CDADC1: variants seen among roughly 807,000 people sequenced by gnomAD.
The protein encoded by CDADC1 is cytidine and dCMP deaminase domain containing 1.
In CDADC1, 39 loss-of-function variants were observed where a neutral mutation model predicts 54.9. That is an observed-to-expected ratio of 0.71 (90% CI 0.55 to 0.93). CDADC1 has a LOEUF of 0.93. CDADC1 is among the 40% of genes least tolerant of loss of function. The pLI is 0.00. For synonymous variants in CDADC1, 186 were observed against 204.0 expected, an observed-to-expected ratio of 0.91 and a Z score of 0.75; for missense variants, 518 against 618.8, an observed-to-expected ratio of 0.84 and a Z score of 1.73.
chr13:49,281,714 CCAAA>C (rs1953340915), intron 8 of CDADC1, among the ~76,000 whole-genome samples: 2 of 152,114 alleles, frequency 1.3e-5, no homozygotes, highest in Admixed American at 1.3e-4. Context: ...ACCCCCACCC[CCAAA>C]CAAAGGGAGG....
At chr13:49,277,530 T>A (rs1206651736) in intron 6 of CDADC1, among the ~76,000 whole-genome samples, 1 of 152,184 alleles carries the variant, frequency 6.6e-6, no homozygotes, top group Non-Finnish European at 1.5e-5. Context: ...GTTTGCAGGC[T>A]TTTGTTGGCT....
At chr13:49,265,915 T>G in intron 4 of CDADC1, 1 of 1,303,134 alleles carries the variant, frequency 7.7e-7, no homozygotes, top group South Asian at 1.2e-5. Context: ...AGATGAAAGG[T>G]TTACCATCAC....
chr13:49,282,236 G>GGTTTTTTTTTT (rs1555315245), intron 8 of CDADC1, among the ~76,000 whole-genome samples: 5 of 94,146 alleles, frequency 5.3e-5, no homozygotes, highest in Admixed American at 2.4e-4. Flanking sequence ...GTTTTTGTGG[G>GGTTTTTTTTTT]TTTTTTTTTT....
intron 5 of CDADC1, among the ~76,000 whole-genome samples, chr13:49,272,443 C>G (rs1427996968): frequency 6.6e-6 from 1 of 152,114 alleles, no homozygotes; most frequent in African/African-American, 2.4e-5. Context: ...GAAGTCATCT[C>G]GTGCACTCTG....
At chr13:49,266,557 G>C (rs1952821030) in intron 4 of CDADC1, among the ~76,000 whole-genome samples, 1 of 152,112 alleles carries the variant, frequency 6.6e-6, no homozygotes, top group East Asian at 1.9e-4. Context: ...TTGCCCTTCA[G>C]ACACCATCCC....
chr13:49,258,476 C>T (rs1952601021), intron 3 of CDADC1, among the ~76,000 whole-genome samples: 1 of 152,076 alleles, frequency 6.6e-6, no homozygotes, highest in Non-Finnish European at 1.5e-5. Flanking sequence ...TATTGTTATA[C>T]CAGCTTTGAT....
chr13:49,254,969 A>G (rs1952511280), intron 2 of CDADC1, among the ~76,000 whole-genome samples: 1 of 152,230 alleles, frequency 6.6e-6, no homozygotes, highest in Non-Finnish European at 1.5e-5. Flanking sequence ...TATTGCTGCT[A>G]TAACAGATGA....
At chr13:49,256,366 A>T (rs1183200530) in intron 3 of CDADC1, among the ~76,000 whole-genome samples, 3 of 152,126 alleles carry the variant, frequency 2.0e-5, no homozygotes, top group Non-Finnish European at 4.4e-5. Context: ...AAACAGTAGG[A>T]CCCTCAAGCT....
chr13:49,290,847 T>TA (rs1483529123), intron 9 of CDADC1, among the ~76,000 whole-genome samples: 1 of 152,024 alleles, frequency 6.6e-6, no homozygotes, highest in South Asian at 2.1e-4. Context: ...AAAAGTAAAT[T>TA]AAAAAAATTC....
chr13:49,259,558 G>C, intron 4 of CDADC1, 35 bp downstream of exon 4: 1 of 1,595,682 alleles, frequency 6.3e-7, no homozygotes, highest in Non-Finnish European at 8.6e-7. Flanking sequence ...GGGATTAAGA[G>C]TATTTATCTG....
chr13:49,291,463 C>T (rs1031152215), intron 9 of CDADC1, among the ~76,000 whole-genome samples: 2 of 152,152 alleles, frequency 1.3e-5, no homozygotes, highest in Admixed American at 1.3e-4. Flanking sequence ...TGAGCCATTG[C>T]ACCCGGCCAA....
intron 3 of CDADC1, among the ~76,000 whole-genome samples, chr13:49,258,644 T>C (rs1022271429): frequency 1.3e-5 from 2 of 152,206 alleles, no homozygotes; most frequent in African/African-American, 2.4e-5. Flanking sequence ...ATTGCTAAGG[T>C]AGCTCAAGCT....
At position 49,286,361 on chromosome 13, in the gene CDADC1, A is replaced by C. The variant is rs185892130; in HGVS notation, c.1471+79A>C. 22 of 1,024,038 alleles carry C rather than the reference A, an allele frequency of 2.1e-5. No homozygotes were observed. In the East Asian group the frequency reaches 2.4e-4, roughly 11 times the overall value. The allele number at this position is 1,024,038 out of a possible 1,614,324, so 63.4% of individuals were successfully genotyped here. On this transcript the variant is annotated intron_variant, in intron 9 of 9. Transcript: ENST00000251108. ...GTGAATTTTAATGATCAGGTGATGA[A>C]AATTGTGTTAATAGATGGAGCATAT...
chr13:49,275,216 G>C lies in CDADC1; in HGVS notation c.1050+876G>C, dbSNP rs142934741. ...TTCTCATGCCTCAGCCTCTTGAATA[G>C]CTGGGACTATAGGCATGTACCACCA... On this transcript the variant is annotated intron_variant, in intron 6 of 9. Transcript: ENST00000251108. Among the ~76,000 whole-genome samples, 372 of 151,488 alleles carry C rather than the reference G, an allele frequency of 2.5e-3. 3 individuals are homozygous for C. Among genetic ancestry groups the C allele is most frequent in the African/African-American group, 8.5e-3 (351 of 41,230 alleles).
rs573270156 is a variant in CDADC1 at position 49,260,004 on chromosome 13, G to A, written c.430+481G>A. On this transcript the variant is annotated intron_variant, in intron 4 of 9. Coordinates refer to ENST00000251108, the MANE Select transcript of CDADC1 (RefSeq NM_030911.4). ...AGCTACTCAGAAGGCTGAGGCAGGA[G>A]AATTGCTCAAGCCCGGGAGTTCAAG... 5.0e-4 allele frequency among the ~76,000 whole-genome samples: 76 copies of A among 152,264 alleles called. 2 individuals are homozygous for A. In the South Asian group the frequency reaches 1.0e-2, roughly 20 times the overall value.
Position 49,267,486 on chromosome 13 carries a change from TC to T in CDADC1, c.431-3del, listed in dbSNP as rs374879532. ...ATAATTACCTTTCGTATTTTGTATT[TC>T]AGCTGGAGTTAACCGAATTTCATAC... On this transcript the variant is annotated splice_polypyrimidine_tract_variant and splice_region_variant and intron_variant, in intron 4 of 9. Coordinates refer to ENST00000251108, the MANE Select transcript of CDADC1 (RefSeq NM_030911.4). 6.2e-7 allele frequency: 1 copy of T among 1,604,696 alleles called. No individual in the cohort carries two copies. Among genetic ancestry groups the T allele is most frequent in the African/African-American group, 1.3e-5 (1 of 74,552 alleles).
intron 1 of CDADC1, among the ~76,000 whole-genome samples, chr13:49,248,631 T>G (rs1021787341): frequency 6.6e-6 from 1 of 152,230 alleles, no homozygotes; most frequent in African/African-American, 2.4e-5. Flanking sequence ...GTACCGTTTT[T>G]TCCTGCAGGG....
At chr13:49,279,788 C>T (rs1055843726) in intron 7 of CDADC1, among the ~76,000 whole-genome samples, 1 of 152,156 alleles carries the variant, frequency 6.6e-6, no homozygotes, top group African/African-American at 2.4e-5. Flanking sequence ...AGCCTCAGAA[C>T]CCGGAAGTCA....
intron 7 of CDADC1, 52 bp from the exon 8 acceptor site, chr13:49,280,457 A>G: frequency 2.1e-6 from 2 of 933,784 alleles, no homozygotes; most frequent in Admixed American, 6.1e-5. Context: ...TCTAAAAAAT[A>G]ACTTACCCTT....
Sources: gnomAD v4.1 joint callset for allele counts (sites outside exome capture counted in the v4.1 genomes callset) on GRCh38, gnomAD v4.1.1 for gene constraint, MANE v1.5 for transcripts, NCBI Gene and HGNC (gene_info 2026-07-23, HGNC 2026-07-21) for gene names.